The following RALYL variants were observed in gnomAD, a reference collection of about 807,000 sequenced individuals.
RALYL encodes RNA-binding Raly-like protein.
Under a neutral mutation model 35.1 loss-of-function variants are expected in RALYL, and 29 were observed. That is an observed-to-expected ratio of 0.83 (90% CI 0.61 to 1.13). RALYL has a LOEUF of 1.13. Among genes scored for constraint, RALYL ranks in the 50% most tolerant of loss-of-function variants. The pLI, the probability that RALYL is intolerant of heterozygous loss-of-function variation, is 0.00. For synonymous variants in RALYL, 120 were observed against 127.6 expected (o/e 0.94, Z 0.40); for missense variants, 359 against 360.4 (o/e 1.00, Z 0.03).
chr8:84,250,724 T>C (rs540220252), intron 1 of RALYL, among the ~76,000 whole-genome samples: 3 of 152,272 alleles, frequency 2.0e-5, no homozygotes, highest in Non-Finnish European at 4.4e-5. Flanking sequence ...TGGTTTTCCT[T>C]AGTATGAAAA....
At chr8:84,314,925 A>C (rs1211349468) in intron 1 of RALYL, among the ~76,000 whole-genome samples, 1 of 152,234 alleles carries the variant, frequency 6.6e-6, no homozygotes. Context: ...AATAGCTCTT[A>C]AACATATCAG....
chr8:84,366,959 TA>T (rs1339372165), intron 1 of RALYL, among the ~76,000 whole-genome samples: 3 of 151,706 alleles, frequency 2.0e-5, no homozygotes, highest in African/African-American at 7.3e-5. Context: ...CTATATGACC[TA>T]ACATACTAAT....
chr8:84,431,475 C>A (rs1379524316), intron 1 of RALYL, among the ~76,000 whole-genome samples: 1 of 152,028 alleles, frequency 6.6e-6, no homozygotes, highest in Non-Finnish European at 1.5e-5. Context: ...TGGCTATTAT[C>A]AAAAAATGAA....
In RALYL at chr8:84,743,167, T is replaced by C. The variant is rs544067751; in HGVS notation, c.257-31412T>C. Among the ~76,000 whole-genome samples, 11 of 152,142 alleles carry C rather than the reference T, an allele frequency of 7.2e-5. No homozygotes were observed. The East Asian group carries it at 1.4e-3, about 19-fold the overall frequency. On this transcript the variant is annotated intron_variant, in intron 2 of 8. Transcript: ENST00000521268. ...TCAGACAAATTGACTACAGGATTAA[T>C]GTAATCATTTCTACAGAAAGTATTT...
intron 1 of RALYL, among the ~76,000 whole-genome samples, chr8:84,333,147 T>A (rs746284666): frequency 6.6e-6 from 1 of 152,188 alleles, no homozygotes; most frequent in Non-Finnish European, 1.5e-5. Context: ...AAGAGAATGG[T>A]CTCAAGTTTA....
At chr8:84,733,583 G>A (rs1846649089) in intron 2 of RALYL, among the ~76,000 whole-genome samples, 1 of 152,116 alleles carries the variant, frequency 6.6e-6, no homozygotes, top group South Asian at 2.1e-4. Context: ...TCATTTATAA[G>A]AAAAGAGTTA....
At chr8:84,750,067 T>TC (rs927049724) in intron 2 of RALYL, among the ~76,000 whole-genome samples, 19 of 152,220 alleles carry the variant, frequency 1.2e-4, no homozygotes, top group African/African-American at 2.9e-4. Flanking sequence ...GATGCTGCAC[T>TC]CTCAGCACAC....
intron 1 of RALYL, among the ~76,000 whole-genome samples, chr8:84,508,651 A>G (rs3110420): frequency 0.078 from 11,888 of 152,026 alleles, 480 homozygotes; most frequent in East Asian, 0.14. Context: ...CAAATTATAT[A>G]CATATATATA....
rs181172837 is a variant in RALYL, at chr8:84,333,748, T to C, written c.-24+149324T>C. ...AGTTGGAGACTGTAATCCCAGTTTT[T>C]GGAAAAGTCAATTGTTGCATATTTC... On this transcript the variant is annotated intron_variant, in intron 1 of 8. Coordinates refer to ENST00000521268, the MANE Select transcript of RALYL (RefSeq NM_173848.7). Among the ~76,000 whole-genome samples, 230 of 152,318 alleles carry C rather than the reference T, an allele frequency of 1.5e-3. 2 individuals are homozygous for C. The highest frequency in any genetic ancestry group is 2.1e-3 in the Non-Finnish European group (140 of 68,026).
intron 1 of RALYL, among the ~76,000 whole-genome samples, chr8:84,383,367 A>G (rs1858423253): frequency 6.6e-6 from 1 of 151,746 alleles, no homozygotes; most frequent in Admixed American, 6.6e-5. Context: ...AAAAAGAAAT[A>G]TTTGCAACAA....
intron 1 of RALYL, among the ~76,000 whole-genome samples, chr8:84,433,152 A>G (rs1237660511): frequency 6.6e-6 from 1 of 152,124 alleles, no homozygotes; most frequent in Non-Finnish European, 1.5e-5. Flanking sequence ...TAATTTGCTA[A>G]AGTTAAAAAT....
intron 2 of RALYL, among the ~76,000 whole-genome samples, chr8:84,668,162 A>G (rs1304129781): frequency 6.6e-6 from 1 of 152,156 alleles, no homozygotes; most frequent in Non-Finnish European, 1.5e-5. Context: ...GTCAAGGTAT[A>G]TGACAATCAG....
chr8:84,273,841 G>A (rs1834814452), intron 1 of RALYL, among the ~76,000 whole-genome samples: 1 of 152,200 alleles, frequency 6.6e-6, no homozygotes, highest in African/African-American at 2.4e-5. Context: ...GAGAAGTACA[G>A]GGTTGCTTGA....
At chr8:84,669,314 G>C (rs1291828547) in intron 2 of RALYL, among the ~76,000 whole-genome samples, 2 of 151,938 alleles carry the variant, frequency 1.3e-5, no homozygotes, top group African/African-American at 2.4e-5. Context: ...GGGCCATTTG[G>C]GAATTACCAT....
chr8:84,283,576 A>G (rs1837032954), intron 1 of RALYL, among the ~76,000 whole-genome samples: 1 of 152,168 alleles, frequency 6.6e-6, no homozygotes, highest in South Asian at 2.1e-4. Flanking sequence ...AATTAAGTAA[A>G]AGAGACTAGG....
At chr8:84,689,574 G>A (rs1347233563) in intron 2 of RALYL, among the ~76,000 whole-genome samples, 2 of 151,984 alleles carry the variant, frequency 1.3e-5, no homozygotes, top group Admixed American at 6.6e-5. Context: ...ATGATTTATA[G>A]TCCTTTGGGT....
chr8:84,193,317 T>C (rs1814442298), intron 1 of RALYL, among the ~76,000 whole-genome samples: 1 of 152,126 alleles, frequency 6.6e-6, no homozygotes, highest in African/African-American at 2.4e-5. Context: ...GGTGGAGGTA[T>C]AATAGAAAGG....
At chr8:84,522,496 G>T (rs566691213) in intron 1 of RALYL, among the ~76,000 whole-genome samples, 3 of 152,066 alleles carry the variant, frequency 2.0e-5, no homozygotes, top group African/African-American at 7.2e-5. Flanking sequence ...TGATCCGCCC[G>T]CCTCGGCCTC....
At chr8:84,566,006 C>A (rs1373456064) in intron 2 of RALYL, among the ~76,000 whole-genome samples, 3 of 151,348 alleles carry the variant, frequency 2.0e-5, no homozygotes, top group Non-Finnish European at 4.4e-5. Context: ...GGACACAAAA[C>A]CAATTCATTT....
Sources: allele counts gnomAD v4.1 joint callset (sites outside exome capture counted in the v4.1 genomes callset), GRCh38; gene constraint gnomAD v4.1.1; transcripts MANE v1.5; gene names NCBI Gene and HGNC (gene_info 2026-07-23, HGNC 2026-07-21).